SGCZ: variants seen among roughly 807,000 people sequenced by gnomAD.
The protein encoded by SGCZ is zeta-sarcoglycan.
A neutral mutation model predicts 41.3 loss-of-function variants in SGCZ; 40 were observed. The observed-to-expected ratio is 0.97, with a 90% CI of 0.75 to 1.26. The LOEUF (loss-of-function observed/expected upper bound fraction) is 1.26. SGCZ is among the 50% of genes most tolerant of loss of function. The pLI is 0.00. For synonymous variants in SGCZ, 206 were observed against 137.5 expected (o/e 1.50, Z -3.49); for missense variants, 552 against 369.8 (o/e 1.49, Z -4.04).
intron 1 of SGCZ, among the ~76,000 whole-genome samples, chr8:14,993,481 T>C (rs1371457481): frequency 2.6e-5 from 4 of 152,032 alleles, no homozygotes; most frequent in Middle Eastern, 3.2e-3. Context: ...AATAAATATA[T>C]CATTTCAGAA....
intron 4 of SGCZ, among the ~76,000 whole-genome samples, chr8:14,225,550 C>A (rs1036162269): frequency 6.6e-6 from 1 of 151,982 alleles, no homozygotes; most frequent in Non-Finnish European, 1.5e-5. Context: ...AATAATAATA[C>A]TAATTGGTTC....
intron 4 of SGCZ, among the ~76,000 whole-genome samples, chr8:14,167,780 C>CT: frequency 6.6e-6 from 1 of 152,274 alleles, no homozygotes; most frequent in South Asian, 2.1e-4. Context: ...GGCTCCATCA[C>CT]TTTTTTTGAA....
chr8:14,462,150 C>T (rs550410667), intron 2 of SGCZ, among the ~76,000 whole-genome samples: 1 of 151,834 alleles, frequency 6.6e-6, no homozygotes, highest in Non-Finnish European at 1.5e-5. Context: ...CATTGTGACA[C>T]TCAATTGCAC....
chr8:14,442,378 C>T (rs1026850862), intron 2 of SGCZ, among the ~76,000 whole-genome samples: 6 of 152,158 alleles, frequency 3.9e-5, no homozygotes, highest in Non-Finnish European at 8.8e-5. Context: ...CCTCCTTTAC[C>T]TTCCACCATG....
chr8:14,168,904 G>A (rs916651475), intron 4 of SGCZ, among the ~76,000 whole-genome samples: 4 of 152,108 alleles, frequency 2.6e-5, no homozygotes, highest in Non-Finnish European at 2.9e-5. Flanking sequence ...AGCAATGGAA[G>A]CATTTTACAA....
intron 2 of SGCZ, among the ~76,000 whole-genome samples, chr8:14,549,909 G>A (rs1803747833): frequency 6.6e-6 from 1 of 151,976 alleles, no homozygotes; most frequent in Admixed American, 6.6e-5. Context: ...TAATTGTTAA[G>A]AGTTAAGTTG....
At chr8:15,085,927 TG>T (rs1421268889) in intron 1 of SGCZ, among the ~76,000 whole-genome samples, 1 of 152,164 alleles carries the variant, frequency 6.6e-6, no homozygotes, top group Non-Finnish European at 1.5e-5. Flanking sequence ...CTACAAAATG[TG>T]GGTTTCTGAT....
At chr8:14,345,658 T>C (rs1563270542) in intron 2 of SGCZ, among the ~76,000 whole-genome samples, 2 of 152,112 alleles carry the variant, frequency 1.3e-5, no homozygotes, top group Non-Finnish European at 2.9e-5. Context: ...GAAGTTTGAA[T>C]TCCATTGCTC....
chr8:14,284,190 A>G lies in SGCZ; in HGVS notation c.336+39913T>C, dbSNP rs375482657. Among the ~76,000 whole-genome samples the G allele has an allele frequency of 2.6e-5, 4 of 152,196 alleles. No homozygotes were observed. The East Asian group carries it at 7.7e-4, about 29-fold the overall frequency. On this transcript the variant is annotated intron_variant, in intron 3 of 7. Transcript: ENST00000382080. ...CAGATTGCTTGGGTCTAAGATTTTG[A>G]GACCAGCCTAGGTAATATAGTGGAA...
intron 1 of SGCZ, among the ~76,000 whole-genome samples, chr8:15,209,191 T>C (rs1801163808): frequency 6.6e-6 from 1 of 152,092 alleles, no homozygotes; most frequent in South Asian, 2.1e-4. Flanking sequence ...GATTATAGTA[T>C]GAATTTGTGT....
At chr8:14,212,951 T>C (rs182315101) in intron 4 of SGCZ, among the ~76,000 whole-genome samples, 2 of 152,194 alleles carry the variant, frequency 1.3e-5, no homozygotes, top group Admixed American at 1.3e-4. Flanking sequence ...ATGGGATTAA[T>C]AGTAGAATGG....
chr8:14,296,731 T>C (rs1356504507), intron 3 of SGCZ, among the ~76,000 whole-genome samples: 7 of 151,984 alleles, frequency 4.6e-5, no homozygotes, highest in African/African-American at 1.4e-4. Flanking sequence ...AAAGAGGAAA[T>C]AGATTAGGTC....
At chr8:14,320,067 A>C (rs952627025) in intron 3 of SGCZ, among the ~76,000 whole-genome samples, 1 of 151,986 alleles carries the variant, frequency 6.6e-6, no homozygotes, top group African/African-American at 2.4e-5. Flanking sequence ...GTGCAAATAT[A>C]TAATTATATA....
intron 1 of SGCZ, among the ~76,000 whole-genome samples, chr8:14,745,057 G>A (rs764137442): frequency 6.6e-6 from 1 of 152,118 alleles, no homozygotes; most frequent in African/African-American, 2.4e-5. Context: ...TAACGTAAAT[G>A]TATTATTTCA....
intron 1 of SGCZ, among the ~76,000 whole-genome samples, chr8:14,653,717 C>T (rs1563181219): frequency 6.6e-6 from 1 of 151,192 alleles, no homozygotes; most frequent in Non-Finnish European, 1.5e-5. Context: ...TCTTCACAGA[C>T]ATAATCCAAA....
chr8:14,909,077 C>A (rs915191268), intron 1 of SGCZ, among the ~76,000 whole-genome samples: 18 of 152,230 alleles, frequency 1.2e-4, no homozygotes, highest in Non-Finnish European at 2.4e-4. Context: ...GTTTGCAAAT[C>A]ATGTGCATCA....
rs149305631 is a variant in SGCZ at position 14,428,979 on chromosome 8, C to T, written c.235-104775G>A. On this transcript the variant is annotated intron_variant, in intron 2 of 7. Transcript: ENST00000382080. ...TAGTGCATTTTGGTAAATCAGATTA[C>T]GGAAGAGGTATTTTACTTCTAAAAC... Among the ~76,000 whole-genome samples, 16 of 152,138 alleles carry T rather than the reference C, an allele frequency of 1.1e-4. No homozygotes were observed. In the East Asian group the frequency reaches 2.1e-3, roughly 20 times the overall value.
chr8:14,775,749 T>C (rs1800383864), intron 1 of SGCZ, among the ~76,000 whole-genome samples: 1 of 152,148 alleles, frequency 6.6e-6, no homozygotes, highest in African/African-American at 2.4e-5. Flanking sequence ...ATAAGGTTAA[T>C]TTTCAAAAAG....
chr8:15,143,060 G>A lies in SGCZ; in HGVS notation c.39+94525C>T, dbSNP rs2219138. On this transcript the variant is annotated intron_variant, in intron 1 of 7. Transcript: ENST00000382080. ...TTCTTTTCCTTTCCAAGGTACATTT[G>A]CAGTTGCTAAGGAACCAAATTTCAC... is the stretch of plus-strand genomic sequence containing the variant. 8.6e-3 allele frequency among the ~76,000 whole-genome samples: 1,312 copies of A among 152,286 alleles called. 79 individuals carry two copies. The East Asian group carries it at 0.15, about 17-fold the overall frequency.
Sources: allele counts gnomAD v4.1 joint callset (sites outside exome capture counted in the v4.1 genomes callset), GRCh38; gene constraint gnomAD v4.1.1; transcripts MANE v1.5; gene names NCBI Gene and HGNC (gene_info 2026-07-23, HGNC 2026-07-21).